Variants in AP3S2 observed in about 807,000 individuals in gnomAD.
AP3S2 encodes the protein adaptor related protein complex 3 subunit sigma 2.
AP3S2 carries 22 observed loss-of-function variants against 23.4 expected under a neutral mutation model. The ratio of observed to expected loss-of-function variants is 0.94; its 90% CI spans 0.67 to 1.34. The LOEUF is 1.34. Ranked by LOEUF, AP3S2 falls within the 40% of genes most tolerant of loss-of-function variation. AP3S2 has a pLI of 0.00. For missense variants in AP3S2, 241 were observed against 236.9 expected (o/e 1.02, Z -0.11); for synonymous variants, 86 against 87.1 (o/e 0.99, Z 0.07).
At chr15:89,886,890 G>A (rs1896713842) in intron 3 of AP3S2, among the ~76,000 whole-genome samples, 1 of 152,174 alleles carries the variant, frequency 6.6e-6, no homozygotes, top group African/African-American at 2.4e-5. Flanking sequence ...CGCCTCCTGG[G>A]TTCATGCGAT....
chr15:89,842,809 T>C (rs968399669), intron 4 of AP3S2, among the ~76,000 whole-genome samples: 7 of 152,018 alleles, frequency 4.6e-5, no homozygotes, highest in Admixed American at 6.6e-5. Context: ...GACGGGGTTT[T>C]ACCATGTTGG....
At chr15:89,868,008 C>T (rs1427246921) in intron 4 of AP3S2, among the ~76,000 whole-genome samples, 5 of 141,572 alleles carry the variant, frequency 3.5e-5, no homozygotes, top group African/African-American at 7.9e-5. Context: ...GCCCCCCGCC[C>T]GGCCAGCCGC....
chr15:89,850,637 A>G (rs1368803674), intron 4 of AP3S2: 1 of 153,730 alleles, frequency 6.5e-6, no homozygotes, highest in Non-Finnish European at 1.5e-5. Flanking sequence ...GAGTTGAACA[A>G]GTTGAATGTT....
intron 3 of AP3S2, among the ~76,000 whole-genome samples, chr15:89,872,115 T>C (rs1284605492): frequency 6.4e-5 from 4 of 62,866 alleles, no homozygotes; most frequent in Admixed American, 6.3e-4. Flanking sequence ...TGAGAGTCTC[T>C]CAAAAAAAAA....
At chr15:89,887,378 TA>T (rs199566754) in intron 3 of AP3S2, among the ~76,000 whole-genome samples, 7,280 of 152,050 alleles carry the variant, frequency 0.048, 264 homozygotes, top group Non-Finnish European at 0.073. Flanking sequence ...TTTTTATTAT[TA>T]TTTTTTTTTT....
At chr15:89,870,874 T>C (rs937099506) in intron 4 of AP3S2, among the ~76,000 whole-genome samples, 1 of 152,242 alleles carries the variant, frequency 6.6e-6, no homozygotes, top group Admixed American at 6.5e-5. Flanking sequence ...TTGCTGGCTA[T>C]TGCCCAAGTT....
chr15:89,869,474 T>G (rs2141879130), intron 4 of AP3S2, among the ~76,000 whole-genome samples: 1 of 145,804 alleles, frequency 6.9e-6, no homozygotes, highest in South Asian at 2.3e-4. Flanking sequence ...ACCAGAGACC[T>G]TTGTTCACTT....
intron 1 of AP3S2, among the ~76,000 whole-genome samples, chr15:89,890,713 A>T (rs1212235071): frequency 6.6e-6 from 1 of 152,212 alleles, no homozygotes; most frequent in African/African-American, 2.4e-5. Context: ...GACTTGCCCC[A>T]AGAGTTAGAA....
chr15:89,835,493 A>G lies in AP3S2; in HGVS notation c.*22T>C. 1.2e-6 allele frequency: 2 copies of G among 1,612,498 alleles called. No homozygotes were observed. The highest frequency in any genetic ancestry group is 1.7e-6 in the Non-Finnish European group (2 of 1,179,792). On this transcript the variant is annotated 3_prime_UTR_variant, in exon 6 of 6. Coordinates refer to ENST00000336418, the MANE Select transcript of AP3S2 (RefSeq NM_005829.5). The stretch of plus-strand genomic sequence containing the variant: ...TGTCTTTGCTTGTCTTAAGGACTCT[A>G]TTTCAGGCCAATACTTGATCCTCAG...
At chr15:89,889,213 G>C in intron 1 of AP3S2, 73 bp from the exon 2 acceptor site, 1 of 1,523,334 alleles carries the variant, frequency 6.6e-7, no homozygotes, top group Non-Finnish European at 9.1e-7. Context: ...GGATGGACAA[G>C]GGAAGAAGTG....
In AP3S2 at chr15:89,868,305, C is replaced by T. The variant is rs1596208252; in HGVS notation, c.345+3170G>A. On this transcript the variant is annotated intron_variant, in intron 4 of 5. Coordinates refer to ENST00000336418, the MANE Select transcript of AP3S2 (RefSeq NM_005829.5). ...GCCCCTACTGGGAAGTGAGGAGCCC[C>T]TCTGCCCGGCCAGCCGCCCCGTCCG... is the stretch of plus-strand genomic sequence containing the variant. 1.1e-4 allele frequency among the ~76,000 whole-genome samples: 9 copies of T among 83,658 alleles called. No individual in the cohort carries two copies. In the South Asian group the frequency reaches 4.5e-3, roughly 42 times the overall value. 54.9% of individuals were successfully genotyped at this position (83,658 alleles called of 152,430 possible). A position where few individuals can be genotyped will look rare whatever the true frequency, so the allele number is the denominator to read the frequency against.
At chr15:89,885,729 CTGAGATGT>C (rs1567188337) in intron 3 of AP3S2, among the ~76,000 whole-genome samples, 1 of 151,642 alleles carries the variant, frequency 6.6e-6, no homozygotes, top group Non-Finnish European at 1.5e-5. Context: ...ACTGCCTGAG[CTGAGATGT>C]TCGAGACCAG....
Position 89,837,599 on chromosome 15 carries a change from A to C in AP3S2, c.453+16T>G. On this transcript the variant is annotated intron_variant, in intron 5 of 5. Transcript: ENST00000336418. ...TTCTCTACCCAGCCAGGGCTAGAGC[A>C]CAGCTGCTTACTCACCTCGGATTTC... The C allele has an allele frequency of 6.2e-7, 1 of 1,614,058 alleles. No individual in the cohort carries two copies. The highest frequency in any genetic ancestry group is 1.1e-5 in the South Asian group (1 of 91,082).
chr15:89,862,948 T>C (rs1896038730), intron 4 of AP3S2, among the ~76,000 whole-genome samples: 1 of 151,926 alleles, frequency 6.6e-6, no homozygotes, highest in African/African-American at 2.4e-5. Flanking sequence ...GAACATGAAA[T>C]ATGGATGAGA....
chr15:89,855,536 TAAAAA>T (rs199883528), intron 4 of AP3S2, among the ~76,000 whole-genome samples: 1 of 136,364 alleles, frequency 7.3e-6, no homozygotes, highest in Non-Finnish European at 1.6e-5. Context: ...AAGAATAAAT[TAAAAA>T]AAAAAAAAAA....
chr15:89,858,509 GA>G (rs1895911200), intron 4 of AP3S2, among the ~76,000 whole-genome samples: 1 of 127,668 alleles, frequency 7.8e-6, no homozygotes, highest in Non-Finnish European at 1.6e-5. Context: ...GAGAGAGAGA[GA>G]GAGAGAGAGA....
At chr15:89,880,798 TTAAA>T (rs1251944859) in intron 3 of AP3S2, among the ~76,000 whole-genome samples, 1 of 152,202 alleles carries the variant, frequency 6.6e-6, no homozygotes, top group Non-Finnish European at 1.5e-5. Flanking sequence ...CAATTATGTA[TTAAA>T]TGTTTATTCA....
At chr15:89,888,169 T>C (rs1896742033) in intron 3 of AP3S2, among the ~76,000 whole-genome samples, 1 of 152,132 alleles carries the variant, frequency 6.6e-6, no homozygotes, top group African/African-American at 2.4e-5. Context: ...ATCTCACATA[T>C]AAAACGATGA....
intron 2 of AP3S2, 89 bp downstream of exon 2, chr15:89,888,960 A>C (rs2141903147): frequency 1.3e-6 from 2 of 1,484,432 alleles, no homozygotes; most frequent in East Asian, 4.6e-5. Context: ...TCAAGTACCC[A>C]CCTGACACTT....
Sources: gnomAD v4.1 joint callset for allele counts (sites outside exome capture counted in the v4.1 genomes callset) on GRCh38, gnomAD v4.1.1 for gene constraint, MANE v1.5 for transcripts, NCBI Gene and HGNC (gene_info 2026-07-23, HGNC 2026-07-21) for gene names.